The following ARL15 variants were observed in gnomAD, a reference collection of about 807,000 sequenced individuals.
ARL15 encodes the protein ARF like GTPase 15, also known as ADP-ribosylation factor-like protein 15.
Under a neutral mutation model 25.2 loss-of-function variants are expected in ARL15, and 19 were observed. The ratio of observed to expected loss-of-function variants is 0.75; its 90% CI spans 0.53 to 1.10. The LOEUF (loss-of-function observed/expected upper bound fraction) is 1.10. ARL15 is among the 50% of genes least tolerant of loss of function. ARL15 has a pLI of 0.00. For missense variants in ARL15, 220 were observed against 246.0 expected, an observed-to-expected ratio of 0.89 and a Z score of 0.71; for synonymous variants, 94 against 86.8, an observed-to-expected ratio of 1.08 and a Z score of -0.46.
At chr5:54,023,293 A>AGATCTGT (rs373068369) in intron 4 of ARL15, among the ~76,000 whole-genome samples, 2 of 19,386 alleles carry the variant, frequency 1.0e-4, no homozygotes, top group African/African-American at 2.6e-4. Context: ...AAATCTAAAC[A>AGATCTGT]GACACATTTA....
At chr5:53,914,748 G>A (rs1171113967) in intron 4 of ARL15, among the ~76,000 whole-genome samples, 1 of 152,080 alleles carries the variant, frequency 6.6e-6, no homozygotes, top group Admixed American at 6.5e-5. Context: ...AATAGACAAA[G>A]GAATCTTTTC....
intron 4 of ARL15, among the ~76,000 whole-genome samples, chr5:53,965,030 A>G (rs1390786738): frequency 6.6e-6 from 1 of 152,240 alleles, no homozygotes; most frequent in Non-Finnish European, 1.5e-5. Context: ...AAAACATTTC[A>G]TAAGAAAATC....
chr5:53,926,197 A>T (rs1391898426), intron 4 of ARL15, among the ~76,000 whole-genome samples: 1 of 152,080 alleles, frequency 6.6e-6, no homozygotes, highest in African/African-American at 2.4e-5. Flanking sequence ...CTCAACCAAG[A>T]TACTAAAGCC....
chr5:54,127,405 A>C (rs189759633), intron 3 of ARL15, among the ~76,000 whole-genome samples: 119 of 152,144 alleles, frequency 7.8e-4, no homozygotes, highest in African/African-American at 2.6e-3. Context: ...TCATCAGTGA[A>C]CTCCCATTCA....
rs1330849890 is a variant in ARL15 at position 54,113,220 on chromosome 5, T to G, written c.444A>C (p.Ala148=). ...GACATACCTCTTGTACTGAGCGAGC[T>G]GCTGGCTTGTCTTGATGATTGGCCA... ...LILANHQDKP[A]ARSVQEIKKY... is the part of the protein sequence containing the mutation. The change falls in exon 4 of 5, where the codon GCA becomes GCC. Residue 148 remains alanine (A), a synonymous_variant. Transcript: ENST00000504924. 2.5e-6 allele frequency: 4 copies of G among 1,613,758 alleles called. No individual in the cohort carries two copies. Among genetic ancestry groups the G allele is most frequent in the Non-Finnish European group, 3.4e-6 (4 of 1,179,854 alleles).
intron 4 of ARL15, among the ~76,000 whole-genome samples, chr5:54,109,256 A>T (rs1252376760): frequency 1.3e-5 from 2 of 152,052 alleles, no homozygotes; most frequent in Non-Finnish European, 2.9e-5. Flanking sequence ...CACAGTCTTC[A>T]TATTTCTCAA....
intron 4 of ARL15, among the ~76,000 whole-genome samples, chr5:53,913,141 A>T (rs189834999): frequency 1.5e-4 from 23 of 152,240 alleles, no homozygotes; most frequent in Middle Eastern, 3.4e-3. Context: ...TCTACAAAAA[A>T]TTTTTTTAAA....
intron 4 of ARL15, among the ~76,000 whole-genome samples, chr5:53,931,866 C>T (rs903374315): frequency 2.6e-5 from 4 of 152,146 alleles, no homozygotes; most frequent in Non-Finnish European, 4.4e-5. Context: ...TTTAAGTAAG[C>T]CTGTAGGCTA....
At chr5:54,179,686 A>G (rs1311436324) in intron 1 of ARL15, among the ~76,000 whole-genome samples, 1 of 151,984 alleles carries the variant, frequency 6.6e-6, no homozygotes, top group South Asian at 2.1e-4. Context: ...CTTTCATTTA[A>G]CCCTTTTTTG....
chr5:53,886,792 G>A lies in ARL15; in HGVS notation c.463-79C>T, dbSNP rs1278701367. 3 of 1,361,706 alleles carry A rather than the reference G, an allele frequency of 2.2e-6. No individual in the cohort carries two copies. The African/African-American group carries it at 4.4e-5, about 20-fold the overall frequency. The allele number at this position is 1,361,706 out of a possible 1,614,324, so 84.4% of individuals were successfully genotyped here. On this transcript the variant is annotated intron_variant, in intron 4 of 4. Transcript: ENST00000504924. ...TCATATCAAAATTCTGAGGGATAAAGTAGGGGAATTTCGAGGCGGAATTTA... is the reference window on the plus strand; with the variant it reads ...TCATATCAAAATTCTGAGGGATAAAATAGGGGAATTTCGAGGCGGAATTTA...
In ARL15 at chr5:54,155,104, G is replaced by A. The variant is rs559536717; in HGVS notation, c.194-465C>T. 2.0e-3 allele frequency among the ~76,000 whole-genome samples: 304 copies of A among 152,134 alleles called. 2 individuals carry two copies. The highest frequency in any genetic ancestry group is 0.017 in the Middle Eastern group (5 of 294). ...CCACTGCACTCCAGCCTGGTGACAC[G>A]CCGAGACTCCATTTCAAAAACAAAC... On this transcript the variant is annotated intron_variant, in intron 2 of 4. Transcript: ENST00000504924.
At chr5:53,955,106 T>C (rs370662161) in intron 4 of ARL15, among the ~76,000 whole-genome samples, 22 of 149,858 alleles carry the variant, frequency 1.5e-4, no homozygotes, top group African/African-American at 4.9e-4. Context: ...CCATACTAGA[T>C]GGAGACCTTA....
At chr5:54,099,016 G>A (rs1404408215) in intron 4 of ARL15, among the ~76,000 whole-genome samples, 1 of 152,096 alleles carries the variant, frequency 6.6e-6, no homozygotes, top group Non-Finnish European at 1.5e-5. Flanking sequence ...TCAAAGAGGG[G>A]AAACAACAAT....
At chr5:54,246,554 G>A (rs1757089307) in intron 1 of ARL15, among the ~76,000 whole-genome samples, 1 of 151,890 alleles carries the variant, frequency 6.6e-6, no homozygotes, top group Admixed American at 6.6e-5. Context: ...CACCATCCCA[G>A]GCACCCAGCC....
intron 1 of ARL15, among the ~76,000 whole-genome samples, chr5:54,194,207 T>A (rs1018940895): frequency 2.6e-5 from 4 of 152,178 alleles, no homozygotes; most frequent in Non-Finnish European, 5.9e-5. Flanking sequence ...AACTTAAGCA[T>A]TTTTAAAGCC....
chr5:54,205,872 A>G (rs930499642), intron 1 of ARL15, among the ~76,000 whole-genome samples: 2 of 152,172 alleles, frequency 1.3e-5, no homozygotes, highest in Non-Finnish European at 2.9e-5. Context: ...CCTCAAATTC[A>G]TAATTTTCTG....
rs1580117388 is a variant in ARL15 at position 53,957,359 on chromosome 5, A to G, written c.463-70646T>C. Among the ~76,000 whole-genome samples, 3 of 152,222 alleles carry G rather than the reference A, an allele frequency of 2.0e-5. No homozygotes were observed. In the East Asian group the frequency reaches 5.8e-4, roughly 29 times the overall value. ...ATGTTGACCAAGAATTTCATATATGACCAAGACATCCTTAAAAAATAAAGC... is the reference window on the plus strand; with the variant it reads ...ATGTTGACCAAGAATTTCATATATGGCCAAGACATCCTTAAAAAATAAAGC... On this transcript the variant is annotated intron_variant, in intron 4 of 4. Transcript: ENST00000504924.
chr5:54,010,561 G>A (rs1749202043), intron 4 of ARL15, among the ~76,000 whole-genome samples: 1 of 151,946 alleles, frequency 6.6e-6, no homozygotes, highest in Non-Finnish European at 1.5e-5. Flanking sequence ...CTGAATAACC[G>A]CCAGCTAAAT....
At chr5:53,934,056 A>T (rs1746280472) in intron 4 of ARL15, among the ~76,000 whole-genome samples, 1 of 152,236 alleles carries the variant, frequency 6.6e-6, no homozygotes, top group African/African-American at 2.4e-5. Flanking sequence ...AAATATTGAC[A>T]TTATTATAGC....
Sources: allele counts gnomAD v4.1 joint callset (sites outside exome capture counted in the v4.1 genomes callset), GRCh38; gene constraint gnomAD v4.1.1; transcripts MANE v1.5; gene names NCBI Gene and HGNC (gene_info 2026-07-23, HGNC 2026-07-21).